The following DPP10 variants were observed in gnomAD, a reference collection of about 807,000 sequenced individuals.
DPP10 encodes inactive dipeptidyl peptidase 10.
Under a neutral mutation model 120.9 loss-of-function variants are expected in DPP10, and 33 were observed. That is an observed-to-expected ratio of 0.27 (90% CI 0.21 to 0.37). The LOEUF is 0.37. Ranked by LOEUF, DPP10 falls within the 10% of genes least tolerant of loss-of-function variation. The probability of loss-of-function intolerance (pLI) is 1.00; values close to 1 mark genes in which losing one functional copy is unlikely to be tolerated. For synonymous variants in DPP10, 337 were observed against 326.1 expected (o/e 1.03, Z -0.36); for missense variants, 816 against 942.8 (o/e 0.87, Z 1.76).
intron 1 of DPP10, among the ~76,000 whole-genome samples, chr2:115,196,641 C>T (rs1378693026): frequency 6.6e-6 from 1 of 152,080 alleles, no homozygotes; most frequent in Non-Finnish European, 1.5e-5. Context: ...ATAAAAGAGA[C>T]TCTTTTTTTA....
chr2:114,808,035 G>T (rs184901660), intron 1 of DPP10, among the ~76,000 whole-genome samples: 244 of 152,258 alleles, frequency 1.6e-3, no homozygotes, highest in Non-Finnish European at 3.1e-3. Flanking sequence ...CTTACAAGTG[G>T]CTCAATACTC....
chr2:115,490,190 A>G (rs1310942496), intron 3 of DPP10, among the ~76,000 whole-genome samples: 2 of 152,112 alleles, frequency 1.3e-5, no homozygotes, highest in South Asian at 2.1e-4. Context: ...GGTAATTTAT[A>G]AAGGGGAGAG....
At chr2:114,599,211 A>G (rs1317646359) in intron 1 of DPP10, among the ~76,000 whole-genome samples, 1 of 151,930 alleles carries the variant, frequency 6.6e-6, no homozygotes, top group Non-Finnish European at 1.5e-5. Context: ...AAAGAAGAGA[A>G]TGAAGTAGGT....
intron 1 of DPP10, among the ~76,000 whole-genome samples, chr2:114,924,977 C>T (rs1028393512): frequency 4.0e-5 from 6 of 151,308 alleles, no homozygotes; most frequent in East Asian, 1.9e-4. Flanking sequence ...TTTGGGAGGC[C>T]GAGGGGGGCT....
At chr2:114,710,945 A>G (rs952747820) in intron 1 of DPP10, among the ~76,000 whole-genome samples, 6 of 152,162 alleles carry the variant, frequency 3.9e-5, no homozygotes, top group Admixed American at 6.5e-5. Flanking sequence ...TTAGGATTTT[A>G]CTTTCTTTTC....
intron 7 of DPP10, among the ~76,000 whole-genome samples, chr2:115,718,797 G>A (rs893724767): frequency 6.6e-6 from 1 of 151,940 alleles, no homozygotes; most frequent in Non-Finnish European, 1.5e-5. Flanking sequence ...TATGATAATG[G>A]GCTCGAAGAA....
chr2:115,249,421 G>A, intron 1 of DPP10, among the ~76,000 whole-genome samples: 1 of 152,216 alleles, frequency 6.6e-6, no homozygotes, highest in African/African-American at 2.4e-5. Flanking sequence ...TCACGTGGTA[G>A]AAGACACAAG....
chr2:115,371,786 G>A (rs2065427551), intron 3 of DPP10, among the ~76,000 whole-genome samples: 1 of 152,000 alleles, frequency 6.6e-6, no homozygotes, highest in Non-Finnish European at 1.5e-5. Flanking sequence ...ATTAATAGAG[G>A]AAAGTTATAG....
intron 1 of DPP10, among the ~76,000 whole-genome samples, chr2:114,512,657 C>T (rs1573533601): frequency 6.6e-6 from 1 of 152,308 alleles, no homozygotes; most frequent in South Asian, 2.1e-4. Flanking sequence ...ATTGTTTTAC[C>T]TTTACATATC....
chr2:115,217,112 T>C (rs1269493987), intron 1 of DPP10, among the ~76,000 whole-genome samples: 4 of 152,156 alleles, frequency 2.6e-5, no homozygotes, highest in Non-Finnish European at 5.9e-5. Context: ...CAGATAATTG[T>C]TTTCACCAGA....
intron 10 of DPP10, among the ~76,000 whole-genome samples, chr2:115,751,041 G>A (rs1575675079): frequency 6.6e-6 from 1 of 152,120 alleles, no homozygotes; most frequent in Middle Eastern, 3.4e-3. Context: ...CTATATATCA[G>A]TTCAATATAG....
chr2:115,162,079 G>T, intron 1 of DPP10: 1 of 1,485,006 alleles, frequency 6.7e-7, no homozygotes, highest in Non-Finnish European at 8.9e-7. Context: ...TGGCTCCAGT[G>T]CGCGCTCCGC....
At chr2:114,714,362 A>T (rs1701223422) in intron 1 of DPP10, among the ~76,000 whole-genome samples, 1 of 152,228 alleles carries the variant, frequency 6.6e-6, no homozygotes, top group Non-Finnish European at 1.5e-5. Flanking sequence ...TAATACTTAT[A>T]CCTTGGAAAT....
chr2:114,894,005 C>T lies in DPP10; in HGVS notation c.61-415234C>T, dbSNP rs181873392. 3.3e-5 allele frequency among the ~76,000 whole-genome samples: 5 copies of T among 152,284 alleles called. No individual in the cohort carries two copies. In the East Asian group the frequency reaches 7.7e-4, roughly 23 times the overall value. On this transcript the variant is annotated intron_variant, in intron 1 of 25. Coordinates refer to ENST00000410059, the MANE Select transcript of DPP10 (RefSeq NM_020868.6). ...GGATATTTTTCATTTTTCCTCACCT[C>T]TCTCTGCTATTATCTATGCACCTCT...
chr2:115,547,397 A>G lies in DPP10; in HGVS notation c.441+21425A>G, dbSNP rs2148989287. On this transcript the variant is annotated intron_variant, in intron 5 of 25. Coordinates refer to ENST00000410059, the MANE Select transcript of DPP10 (RefSeq NM_020868.6). ...CTTCCGTGATACGATGGCAGCTTCT[A>G]TTAAAACGAAAACAAAATGCTTTAT... is the stretch of plus-strand genomic sequence containing the variant. Among the ~76,000 whole-genome samples, 2 of 152,340 alleles carry G rather than the reference A, an allele frequency of 1.3e-5. 1 individual carries two copies. Among genetic ancestry groups the G allele is most frequent in the Admixed American group, 1.3e-4 (2 of 15,290 alleles).
intron 1 of DPP10, chr2:114,835,203 C>T (rs1574305355): frequency 6.6e-6 from 1 of 150,950 alleles, no homozygotes; most frequent in African/African-American, 2.4e-5. Context: ...ATCTACATAC[C>T]TATGTATATA....
At chr2:114,739,333 A>G (rs1165615259) in intron 1 of DPP10, among the ~76,000 whole-genome samples, 1 of 152,180 alleles carries the variant, frequency 6.6e-6, no homozygotes, top group Non-Finnish European at 1.5e-5. Flanking sequence ...AATTGTATGA[A>G]TGACGACTGA....
chr2:114,880,278 AG>A (rs1691499615), intron 1 of DPP10, among the ~76,000 whole-genome samples: 1 of 152,222 alleles, frequency 6.6e-6, no homozygotes. Flanking sequence ...CCCAAGACAA[AG>A]AATATTGCCT....
At chr2:114,846,520 CAAATA>C (rs1688559601) in intron 1 of DPP10, among the ~76,000 whole-genome samples, 3 of 151,854 alleles carry the variant, frequency 2.0e-5, no homozygotes, top group African/African-American at 7.3e-5. Context: ...AACATAGACC[CAAATA>C]GGTAATGTGC....
Sources: allele counts gnomAD v4.1 joint callset (sites outside exome capture counted in the v4.1 genomes callset), GRCh38; gene constraint gnomAD v4.1.1; transcripts MANE v1.5; gene names NCBI Gene and HGNC (gene_info 2026-07-23, HGNC 2026-07-21).